Variants in PTPRD observed in about 807,000 individuals in gnomAD.
PTPRD encodes receptor-type tyrosine-protein phosphatase delta.
PTPRD carries 34 observed loss-of-function variants against 214.5 expected under a neutral mutation model. That is an observed-to-expected ratio of 0.16 (90% CI 0.12 to 0.21). The LOEUF (loss-of-function observed/expected upper bound fraction) is 0.21. PTPRD is among the 10% of genes least tolerant of loss of function. The pLI is 1.00. For missense variants in PTPRD, 2,545 were observed against 2,398.7 expected (o/e 1.06, Z -1.27); for synonymous variants, 1,128 against 845.7 (o/e 1.33, Z -5.79).
chr9:9,289,449 A>T, intron 9 of PTPRD, among the ~76,000 whole-genome samples: 1 of 151,986 alleles, frequency 6.6e-6, no homozygotes, highest in African/African-American at 2.4e-5. Context: ...CAAATCCATT[A>T]ACATATCTAT....
intron 9 of PTPRD, among the ~76,000 whole-genome samples, chr9:9,318,530 C>T (rs1964647015): frequency 6.6e-6 from 1 of 152,124 alleles, no homozygotes; most frequent in African/African-American, 2.4e-5. Context: ...AAATGTAATA[C>T]TACTAGCATC....
intron 2 of PTPRD, among the ~76,000 whole-genome samples, chr9:10,548,648 A>T (rs2060661913): frequency 6.6e-6 from 1 of 152,172 alleles, no homozygotes; most frequent in South Asian, 2.1e-4. Context: ...AATTCTAAAG[A>T]CAAAGAAAAA....
intron 7 of PTPRD, among the ~76,000 whole-genome samples, chr9:9,679,147 T>C (rs911235595): frequency 1.7e-4 from 24 of 144,144 alleles, no homozygotes; most frequent in African/African-American, 7.6e-5. Flanking sequence ...TAGAAGAAAA[T>C]GAATTCCTAA....
chr9:9,058,021 A>G (rs1302594349), intron 10 of PTPRD, among the ~76,000 whole-genome samples: 2 of 152,204 alleles, frequency 1.3e-5, no homozygotes, highest in African/African-American at 4.8e-5. Flanking sequence ...TCAATACTCT[A>G]TTGTTTAGAA....
At chr9:9,655,726 C>T (rs572728934) in intron 7 of PTPRD, among the ~76,000 whole-genome samples, 69 of 151,988 alleles carry the variant, frequency 4.5e-4, no homozygotes, top group Non-Finnish European at 8.5e-4. Flanking sequence ...AACTGTAATC[C>T]CCGCACTTTG....
chr9:10,323,695 GT>G (rs2096595678), intron 3 of PTPRD, among the ~76,000 whole-genome samples: 1 of 151,886 alleles, frequency 6.6e-6, no homozygotes, highest in Non-Finnish European at 1.5e-5. Context: ...TTAATATGCA[GT>G]TGCTATTTAG....
At chr9:9,887,118 A>G (rs2071244596) in intron 5 of PTPRD, among the ~76,000 whole-genome samples, 1 of 152,170 alleles carries the variant, frequency 6.6e-6, no homozygotes, top group African/African-American at 2.4e-5. Flanking sequence ...ACAGTGACTT[A>G]CACATTGGTG....
At chr9:8,820,873 A>G (rs568345596) in intron 11 of PTPRD, among the ~76,000 whole-genome samples, 1 of 152,312 alleles carries the variant, frequency 6.6e-6, no homozygotes, top group South Asian at 2.1e-4. Flanking sequence ...TCTACTCCCT[A>G]CACGACAAGT....
intron 3 of PTPRD, among the ~76,000 whole-genome samples, chr9:10,125,835 A>T (rs10958895): frequency 0.16 from 25,069 of 152,068 alleles, 2,379 homozygotes; most frequent in South Asian, 0.27. Context: ...GAAAATCAGA[A>T]GTTGGTATTG....
rs1273550820 is a variant in PTPRD, at chr9:10,323,742, TATG to T, written c.-545+17218_-545+17220del. Among the ~76,000 whole-genome samples, 4 of 152,138 alleles carry T rather than the reference TATG, an allele frequency of 2.6e-5. 1 individual carries two copies. Among genetic ancestry groups the T allele is most frequent in the African/African-American group, 9.6e-5 (4 of 41,554 alleles). On this transcript the variant is annotated intron_variant, in intron 3 of 45. Transcript: ENST00000381196. ...AAACTTTGTCTGCTGAAAGACGATT[TATG>T]CATACTTTCCTGTCTGGAGATTTTA...
chr9:10,489,880 G>C (rs747389084), intron 2 of PTPRD, among the ~76,000 whole-genome samples: 4 of 152,192 alleles, frequency 2.6e-5, no homozygotes, highest in African/African-American at 4.8e-5. Context: ...GGGAATGGGG[G>C]AGGGATAGCA....
chr9:8,998,517 T>C (rs1308590781), intron 11 of PTPRD, among the ~76,000 whole-genome samples: 1 of 152,048 alleles, frequency 6.6e-6, no homozygotes, highest in African/African-American at 2.4e-5. Flanking sequence ...TGTAAAAACA[T>C]TGCTGCTCAT....
At chr9:10,597,497 G>T (rs1567135621) in intron 2 of PTPRD, among the ~76,000 whole-genome samples, 1 of 151,662 alleles carries the variant, frequency 6.6e-6, no homozygotes, top group African/African-American at 2.4e-5. Context: ...CAAATTAGTA[G>T]AAATCAAAAA....
intron 3 of PTPRD, among the ~76,000 whole-genome samples, chr9:10,187,536 T>C (rs977284850): frequency 6.6e-6 from 1 of 152,242 alleles, no homozygotes; most frequent in Non-Finnish European, 1.5e-5. Context: ...ACTTGGCCTT[T>C]CGAATTCCTT....
intron 4 of PTPRD, among the ~76,000 whole-genome samples, chr9:9,953,493 GACACAC>G (rs59836734): frequency 0.04 from 5,800 of 145,292 alleles, 115 homozygotes; most frequent in Non-Finnish European, 0.056. Context: ...GGGAATTGTG[GACACAC>G]ACACACACAC....
chr9:9,567,900 T>C (rs1355554062), intron 8 of PTPRD, among the ~76,000 whole-genome samples: 1 of 151,950 alleles, frequency 6.6e-6, no homozygotes, highest in African/African-American at 2.4e-5. Flanking sequence ...AGAGTGGGGA[T>C]TGTCATAAAA....
At chr9:9,903,380 G>A (rs2076841845) in intron 5 of PTPRD, among the ~76,000 whole-genome samples, 1 of 152,038 alleles carries the variant, frequency 6.6e-6, no homozygotes, top group Admixed American at 6.6e-5. Context: ...AGATCTCTGT[G>A]CCTGTTGCCA....
chr9:10,367,073 C>G (rs530165663), intron 2 of PTPRD, among the ~76,000 whole-genome samples: 1 of 128,234 alleles, frequency 7.8e-6, no homozygotes, highest in South Asian at 2.7e-4. Flanking sequence ...AAGAAACAGA[C>G]AAACATAAAA....
chr9:9,291,783 A>G (rs1309232895), intron 9 of PTPRD, among the ~76,000 whole-genome samples: 1 of 95,584 alleles, frequency 1.0e-5, no homozygotes, highest in African/African-American at 4.5e-5. Context: ...AGATTCTTAT[A>G]ATATTTTCTC....
Sources: allele counts gnomAD v4.1 joint callset (sites outside exome capture counted in the v4.1 genomes callset), GRCh38; gene constraint gnomAD v4.1.1; transcripts MANE v1.5; gene names NCBI Gene and HGNC (gene_info 2026-07-23, HGNC 2026-07-21).